Variants in CNTN5 observed in about 807,000 individuals in gnomAD.
CNTN5 encodes contactin 5.
Under a neutral mutation model 129.1 loss-of-function variants are expected in CNTN5, and 77 were observed. The ratio of observed to expected loss-of-function variants is 0.60; its 90% CI spans 0.50 to 0.72. The LOEUF is 0.72. Among genes scored for constraint, CNTN5 ranks in the 30% least tolerant of loss-of-function variants. CNTN5 has a pLI of 0.00. For missense variants in CNTN5, 1,478 were observed against 1,328.8 expected, an observed-to-expected ratio of 1.11 and a Z score of -1.75; for synonymous variants, 509 against 465.6, an observed-to-expected ratio of 1.09 and a Z score of -1.20.
At chr11:100,264,756 G>C (rs995964891) in intron 17 of CNTN5, among the ~76,000 whole-genome samples, 3 of 152,086 alleles carry the variant, frequency 2.0e-5, no homozygotes, top group African/African-American at 7.2e-5. Context: ...CCAGTAATGC[G>C]ATTGCTGGGT....
chr11:99,057,608 C>CT (rs919844806), intron 1 of CNTN5, among the ~76,000 whole-genome samples: 12 of 151,644 alleles, frequency 7.9e-5, no homozygotes, highest in Admixed American at 1.3e-4. Context: ...TAATTATGAT[C>CT]TTTTTTTTAG....
intron 1 of CNTN5, among the ~76,000 whole-genome samples, chr11:99,248,056 G>T (rs1861908847): frequency 6.6e-6 from 1 of 152,192 alleles, no homozygotes; most frequent in Admixed American, 6.5e-5. Flanking sequence ...CACAGTAGCT[G>T]AACTAATTCA....
intron 9 of CNTN5, among the ~76,000 whole-genome samples, chr11:100,015,505 GT>G (rs1565789996): frequency 1.3e-5 from 2 of 152,118 alleles, no homozygotes; most frequent in African/African-American, 4.8e-5. Context: ...TAAGAGCAAA[GT>G]GCACACACTT....
chr11:99,084,943 T>G (rs1865942188), intron 1 of CNTN5, among the ~76,000 whole-genome samples: 2 of 152,234 alleles, frequency 1.3e-5, no homozygotes, highest in African/African-American at 2.4e-5. Flanking sequence ...TTTTCAGTAA[T>G]TAATCAAATA....
chr11:99,732,635 C>A (rs139128793), intron 3 of CNTN5, among the ~76,000 whole-genome samples: 141 of 152,278 alleles, frequency 9.3e-4, no homozygotes, highest in Non-Finnish European at 1.7e-3. Context: ...TTGGCAGCAC[C>A]ATTTGCATAG....
chr11:100,280,206 G>C (rs1324066074), intron 18 of CNTN5, among the ~76,000 whole-genome samples: 1 of 151,872 alleles, frequency 6.6e-6, no homozygotes, highest in African/African-American at 2.4e-5. Context: ...GGTCCACATT[G>C]TAAATTAAAT....
chr11:99,285,500 T>C (rs1486497799), intron 1 of CNTN5, among the ~76,000 whole-genome samples: 2 of 151,966 alleles, frequency 1.3e-5, no homozygotes, highest in Non-Finnish European at 2.9e-5. Context: ...GTGCTGTTTT[T>C]TAAAATGGAA....
intron 9 of CNTN5, among the ~76,000 whole-genome samples, chr11:100,010,628 G>GT (rs34234911): frequency 0.23 from 35,050 of 151,800 alleles, 4,296 homozygotes; most frequent in South Asian, 0.3. Flanking sequence ...TAGAAATGTG[G>GT]TTTTCAGAAC....
intron 3 of CNTN5, among the ~76,000 whole-genome samples, chr11:99,780,540 G>A (rs570777651): frequency 1.3e-5 from 2 of 152,158 alleles, no homozygotes; most frequent in South Asian, 2.1e-4. Flanking sequence ...AAAAGGGCAA[G>A]TAAGCTTGAA....
intron 2 of CNTN5, among the ~76,000 whole-genome samples, chr11:99,408,503 A>AAGT (rs1942239494): frequency 1.0e-4 from 15 of 144,742 alleles, no homozygotes; most frequent in Admixed American, 2.8e-4. Flanking sequence ...AGAAAGAAAG[A>AAGT]AAGTTAGTTC....
intron 13 of CNTN5, among the ~76,000 whole-genome samples, chr11:100,107,986 A>T (rs937610691): frequency 7.7e-5 from 11 of 142,508 alleles, no homozygotes; most frequent in East Asian, 2.1e-4. Context: ...AGTGGGGATA[A>T]TTTTTTTTTT....
At chr11:99,756,205 A>C (rs1226859754) in intron 3 of CNTN5, among the ~76,000 whole-genome samples, 1 of 152,096 alleles carries the variant, frequency 6.6e-6, no homozygotes, top group Non-Finnish European at 1.5e-5. Context: ...AGTATTGCCT[A>C]TGTCTAAGAA....
At chr11:99,764,590 A>C (rs1486681750) in intron 3 of CNTN5, among the ~76,000 whole-genome samples, 2 of 151,986 alleles carry the variant, frequency 1.3e-5, no homozygotes, top group Non-Finnish European at 2.9e-5. Context: ...CTAATTTTGC[A>C]TTTTTAGTAG....
At chr11:99,285,884 A>G (rs770241071) in intron 1 of CNTN5, among the ~76,000 whole-genome samples, 10 of 151,932 alleles carry the variant, frequency 6.6e-5, no homozygotes, top group Non-Finnish European at 1.5e-4. Flanking sequence ...CTAAAAATAC[A>G]AAAATTAGCC....
At chr11:100,276,738 T>C (rs1413473051) in intron 18 of CNTN5, among the ~76,000 whole-genome samples, 3 of 152,056 alleles carry the variant, frequency 2.0e-5, no homozygotes, top group Non-Finnish European at 2.9e-5. Flanking sequence ...GATACAGGCA[T>C]ACAATGCTTA....
chr11:99,067,300 C>A (rs1865139604), intron 1 of CNTN5, among the ~76,000 whole-genome samples: 1 of 152,070 alleles, frequency 6.6e-6, no homozygotes, highest in African/African-American at 2.4e-5. Flanking sequence ...GATCCTAATG[C>A]AGCTCAAAGC....
chr11:100,294,844 T>C (rs1180130246), intron 18 of CNTN5, among the ~76,000 whole-genome samples: 1 of 151,532 alleles, frequency 6.6e-6, no homozygotes, highest in Non-Finnish European at 1.5e-5. Flanking sequence ...TTAAAACCAG[T>C]GGACTCCATC....
In CNTN5 at chr11:100,346,371, G is replaced by A. The variant is rs192084215; in HGVS notation, c.3031-4331G>A. ...AAATGGAAAATATTTTTCTTTACAC[G>A]ATGAAAGTAATTTACCCAGGTTATA... On this transcript the variant is annotated intron_variant, in intron 23 of 24. Coordinates refer to ENST00000524871, the MANE Select transcript of CNTN5 (RefSeq NM_014361.4). Among the ~76,000 whole-genome samples the A allele has an allele frequency of 9.9e-5, 15 of 152,064 alleles. No homozygotes were observed. In the East Asian group the frequency reaches 1.2e-3, roughly 12 times the overall value.
At chr11:99,049,822 G>GT (rs1864356230) in intron 1 of CNTN5, 1 of 151,964 alleles carries the variant, frequency 6.6e-6, no homozygotes, top group Admixed American at 6.6e-5. Flanking sequence ...TACAGCACTG[G>GT]TAAAAAAAGG....
Sources: gnomAD v4.1 joint callset for allele counts (sites outside exome capture counted in the v4.1 genomes callset) on GRCh38, gnomAD v4.1.1 for gene constraint, MANE v1.5 for transcripts, NCBI Gene and HGNC (gene_info 2026-07-23, HGNC 2026-07-21) for gene names.